CGRRF1: variants seen among roughly 807,000 people sequenced by gnomAD.
The protein encoded by CGRRF1 is cell growth regulator with RING finger domain protein 1.
A neutral mutation model predicts 37.2 loss-of-function variants in CGRRF1; 32 were observed. The observed-to-expected ratio is 0.86, with a 90% CI of 0.65 to 1.16. The LOEUF is 1.16. CGRRF1 is among the 50% of genes most tolerant of loss of function. The probability of loss-of-function intolerance (pLI) is 0.00; values close to 1 mark genes in which losing one functional copy is unlikely to be tolerated. For missense variants in CGRRF1, 391 were observed against 382.6 expected, an observed-to-expected ratio of 1.02 and a Z score of -0.18; for synonymous variants, 141 against 140.3, an observed-to-expected ratio of 1.00 and a Z score of -0.04.
chr14:54,516,501 C>T (rs2032219249), intron 1 of CGRRF1, among the ~76,000 whole-genome samples: 1 of 152,116 alleles, frequency 6.6e-6, no homozygotes, highest in Non-Finnish European at 1.5e-5. Context: ...AAGCTACTGA[C>T]ATTCTTATCT....
intron 2 of CGRRF1, among the ~76,000 whole-genome samples, chr14:54,526,935 C>G (rs1342826294): frequency 6.6e-6 from 1 of 152,126 alleles, no homozygotes; most frequent in African/African-American, 2.4e-5. Flanking sequence ...CTTTTCCGCC[C>G]CATCATTTCT....
At chr14:54,527,455 G>A (rs1303672558) in intron 2 of CGRRF1, among the ~76,000 whole-genome samples, 2 of 151,954 alleles carry the variant, frequency 1.3e-5, no homozygotes, top group Non-Finnish European at 2.9e-5. Flanking sequence ...AAAACTTAAA[G>A]TATAATAATA....
rs752933186 is a variant in CGRRF1 at position 54,510,079 on chromosome 14, G to A, written c.104+16G>A. ...TATTGGGATGGTAAGTGTCCCAGGG[G>A]TGAGAGACGAAGGGGCGGATACCGC... On this transcript the variant is annotated intron_variant, in intron 1 of 5. Coordinates refer to ENST00000216420, the MANE Select transcript of CGRRF1 (RefSeq NM_006568.3). 9.5e-6 allele frequency: 15 copies of A among 1,577,464 alleles called. No individual in the cohort carries two copies. In the Admixed American group the frequency reaches 2.2e-4, roughly 23 times the overall value.
chr14:54,512,442 C>CT (rs1256889993), intron 1 of CGRRF1, among the ~76,000 whole-genome samples: 1 of 152,216 alleles, frequency 6.6e-6, no homozygotes, highest in Non-Finnish European at 1.5e-5. Context: ...CATTTACATC[C>CT]TTTAACAGTT....
intron 1 of CGRRF1, among the ~76,000 whole-genome samples, chr14:54,511,020 A>G (rs1266654628): frequency 1.3e-5 from 2 of 152,232 alleles, no homozygotes; most frequent in East Asian, 3.8e-4. Flanking sequence ...AAATAAATGG[A>G]GTTAAATGTA....
chr14:54,518,753 G>T (rs2032262001), intron 1 of CGRRF1, among the ~76,000 whole-genome samples: 1 of 152,152 alleles, frequency 6.6e-6, no homozygotes, highest in Non-Finnish European at 1.5e-5. Flanking sequence ...CTTTTAAGAA[G>T]TGTCTGTTCA....
chr14:54,511,539 T>C (rs1013980187), intron 1 of CGRRF1, among the ~76,000 whole-genome samples: 2 of 152,252 alleles, frequency 1.3e-5, no homozygotes, highest in African/African-American at 4.8e-5. Flanking sequence ...CTAAGGAAAA[T>C]AGTAACTAGT....
At chr14:54,520,155 C>T (rs914463129) in intron 1 of CGRRF1, among the ~76,000 whole-genome samples, 7 of 152,100 alleles carry the variant, frequency 4.6e-5, no homozygotes, top group Non-Finnish European at 1.0e-4. Flanking sequence ...GTCGCTCAGG[C>T]TGGAGTGCAA....
chr14:54,510,518 C>T (rs1009565506), intron 1 of CGRRF1, among the ~76,000 whole-genome samples: 1 of 152,196 alleles, frequency 6.6e-6, no homozygotes, highest in Non-Finnish European at 1.5e-5. Context: ...GAATGGAGCC[C>T]TTAGCCTCAG....
At chr14:54,529,392 A>G (rs919597465) in intron 2 of CGRRF1, among the ~76,000 whole-genome samples, 6 of 152,342 alleles carry the variant, frequency 3.9e-5, no homozygotes, top group African/African-American at 1.4e-4. Flanking sequence ...AGGTCTACTC[A>G]AATTGTTATA....
In CGRRF1 at chr14:54,538,347, A is replaced by C; in HGVS notation, c.963A>C (p.Gln321His). 6.2e-7 allele frequency: 1 copy of C among 1,612,662 alleles called. No homozygotes were observed. Among genetic ancestry groups the C allele is most frequent in the Non-Finnish European group, 8.5e-7 (1 of 1,178,716 alleles). ...AGGAATCTTTTGCACTTTGCAGTCAAAAAGAGCAAGATAAAGACAAACCGA... is the reference window on the plus strand; with the variant it reads ...AGGAATCTTTTGCACTTTGCAGTCACAAAGAGCAAGATAAAGACAAACCGA... ...FVQESFALCS[Q>H]KEQDKDKPKT... The change falls in exon 6 of 6, where the codon CAA becomes CAC. Residue 321 changes from glutamine (Q) to histidine (H), a missense_variant. By Grantham distance (24) the Gln-to-His change is conservative (BLOSUM62 0). Transcript: ENST00000216420.
chr14:54,522,569 A>G lies in CGRRF1; in HGVS notation c.220A>G (p.Asn74Asp). ...VKNPFGLEIT[N>D]PSSASITTGI... ...GAATCCTTTTGGCTTAGAGATCACT[A>G]ATCCATCTTCAGCTTCAATTACAAG... The change falls in exon 2 of 6, where the codon AAT becomes GAT. Residue 74 changes from asparagine to aspartate, a missense_variant. Coordinates refer to ENST00000216420, the MANE Select transcript of CGRRF1 (RefSeq NM_006568.3). 2 of 1,592,330 alleles carry G rather than the reference A, an allele frequency of 1.3e-6. No individual in the cohort carries two copies. Among genetic ancestry groups the G allele is most frequent in the South Asian group, 2.3e-5 (2 of 86,288 alleles).
chr14:54,531,094 G>T, intron 4 of CGRRF1, 44 bp downstream of exon 4: 3 of 1,386,296 alleles, frequency 2.2e-6, no homozygotes, highest in Non-Finnish European at 2.0e-6. Flanking sequence ...TAAGTGATTT[G>T]AATGGTGGTT....
chr14:54,525,560 G>A lies in CGRRF1; in HGVS notation c.244+2967G>A, dbSNP rs1054177782. ...TCTTTCTCCTATGGGGAAATAGAAG[G>A]ATTTTGATAGGAGTTATACTCAACA... On this transcript the variant is annotated intron_variant, in intron 2 of 5. Transcript: ENST00000216420. Among the ~76,000 whole-genome samples the A allele has an allele frequency of 3.3e-5, 5 of 152,154 alleles. No individual in the cohort carries two copies. In the South Asian group the frequency reaches 1.0e-3, roughly 32 times the overall value.
intron 4 of CGRRF1, 38 bp from the exon 5 acceptor site, chr14:54,537,684 G>T: frequency 4.2e-6 from 6 of 1,436,530 alleles, no homozygotes; most frequent in Non-Finnish European, 5.5e-6. Context: ...ATAATATAAA[G>T]ATTTTAAGTA....
chr14:54,530,533 A>C, intron 3 of CGRRF1: 1 of 1,312,686 alleles, frequency 7.6e-7, no homozygotes, highest in Non-Finnish European at 1.0e-6. Flanking sequence ...AGCACTCCCC[A>C]AGCATTAGAA....
rs375850699 is a variant in CGRRF1 at position 54,537,769 on chromosome 14, A to G, written c.618A>G (p.Leu206=). 8.8e-6 allele frequency: 14 copies of G among 1,599,318 alleles called. No individual in the cohort carries two copies. The highest frequency in any genetic ancestry group is 1.3e-5 in the African/African-American group (1 of 74,120). ...VIHIPDRTYK[L]SCRILYQYLL... is the part of the protein sequence containing the mutation. ...ATATTCCTGATAGGACTTATAAACT[A>G]TCCTGCAGAATATTGTATCAATATT... The change falls in exon 5 of 6, where the codon CTA becomes CTG. Residue 206 remains leucine, a synonymous_variant. Transcript: ENST00000216420.
chr14:54,535,461 C>T (rs1959806), intron 4 of CGRRF1, among the ~76,000 whole-genome samples: 3,475 of 151,728 alleles, frequency 0.023, 90 homozygotes, highest in East Asian at 0.095. Flanking sequence ...CAAAGTTTTA[C>T]ATCTGCAGCC....
rs1199625880 is a variant in CGRRF1 at position 54,538,504 on chromosome 14, A to C, written c.*121A>C. The C allele has an allele frequency of 6.0e-6, 4 of 667,638 alleles. No individual in the cohort carries two copies. The East Asian group carries it at 8.4e-5, about 14-fold the overall frequency. 41.4% of individuals were successfully genotyped at this position (667,638 alleles called of 1,614,324 possible). A position where few individuals can be genotyped will look rare whatever the true frequency, so the allele number is the denominator to read the frequency against. ...TCAATGAAAATTATATTTTAACTTC[A>C]TATTTGTATGGTACTTGGATGATAA... On this transcript the variant is annotated 3_prime_UTR_variant, in exon 6 of 6. Coordinates refer to ENST00000216420, the MANE Select transcript of CGRRF1 (RefSeq NM_006568.3).
Sources: gnomAD v4.1 joint callset for allele counts (sites outside exome capture counted in the v4.1 genomes callset) on GRCh38, gnomAD v4.1.1 for gene constraint, MANE v1.5 for transcripts, NCBI Gene and HGNC (gene_info 2026-07-23, HGNC 2026-07-21) for gene names.